Variants in WT1 observed in about 807,000 individuals in gnomAD.
The protein encoded by WT1 is Wilms tumor protein.
WT1 carries 8 observed loss-of-function variants against 60.8 expected under a neutral mutation model. The ratio of observed to expected loss-of-function variants is 0.13; its 90% CI spans 0.08 to 0.24. WT1 has a LOEUF of 0.24. Among genes scored for constraint, WT1 ranks in the 10% least tolerant of loss-of-function variants. WT1 has a pLI of 1.00. For missense variants in WT1, 568 were observed against 711.8 expected (o/e 0.80, Z 2.30); for synonymous variants, 312 against 297.1 (o/e 1.05, Z -0.52).
chr11:32,414,870 A>T (rs1852614716), intron 5 of WT1, among the ~76,000 whole-genome samples: 1 of 146,078 alleles, frequency 6.8e-6, no homozygotes, highest in African/African-American at 2.7e-5. Flanking sequence ...GGGACTCCAT[A>T]TCAAAAAAAA....
intron 3 of WT1, among the ~76,000 whole-genome samples, chr11:32,422,016 G>C (rs1852872567): frequency 6.6e-6 from 1 of 152,194 alleles, no homozygotes; most frequent in Non-Finnish European, 1.5e-5. Context: ...CATGTTTCCA[G>C]CTTTTTCGGT....
chr11:32,395,341 G>A (rs548158411), intron 7 of WT1, among the ~76,000 whole-genome samples: 34 of 152,316 alleles, frequency 2.2e-4, no homozygotes, highest in Non-Finnish European at 4.6e-4. Flanking sequence ...TCTGTGACAT[G>A]GCTGTCCACA....
rs780497248 is a variant in WT1, at chr11:32,396,402, C to T, written c.1119G>A (p.Val373=). Residue 373 remains valine, a synonymous_variant, in exon 7 of 10, where the codon GTG becomes GTA. Coordinates refer to ENST00000452863, the MANE Select transcript of WT1 (RefSeq NM_024426.6). Reference sequence around the variant, plus strand: ...TCGGGGCTACTCCAGGCACACGTCGCACATCCTGCAGGCAGAGAGTAAGAG... The same window carrying T: ...TCGGGGCTACTCCAGGCACACGTCGTACATCCTGCAGGCAGAGAGTAAGAG... 3 of 1,613,872 alleles carry T rather than the reference C, an allele frequency of 1.9e-6. No homozygotes were observed. The South Asian group carries it at 3.3e-5, about 18-fold the overall frequency.
In WT1 at chr11:32,428,525, C is replaced by T. The variant is rs1406109697; in HGVS notation, c.756G>A (p.Glu252=). The change falls in exon 2 of 10, where the codon GAG becomes GAA. Residue 252 remains glutamate (E), a synonymous_variant. Transcript: ENST00000452863. ...GCGAGCCCTGCTGGCCCATGGGATC[C>T]TCATGCTTGAATGAGTGGTTGGGGA... The T allele has an allele frequency of 1.2e-6, 2 of 1,614,154 alleles. No individual in the cohort carries two copies. Among genetic ancestry groups the T allele is most frequent in the African/African-American group, 1.3e-5 (1 of 75,064 alleles).
chr11:32,420,166 G>A lies in WT1; in HGVS notation c.888-2512C>T, dbSNP rs111938564. Among the ~76,000 whole-genome samples, 807 of 152,214 alleles carry A rather than the reference G, an allele frequency of 5.3e-3. 14 individuals carry two copies. The highest frequency in any genetic ancestry group is 0.018 in the African/African-American group (765 of 41,510). On this transcript the variant is annotated intron_variant, in intron 3 of 9. Coordinates refer to ENST00000452863, the MANE Select transcript of WT1 (RefSeq NM_024426.6). The stretch of plus-strand genomic sequence containing the variant: ...AAATGATAAGATTTTTTGCTATATT[G>A]AGTCAAATATGCTATTTGAAAAATT...
chr11:32,406,573 A>G (rs1240250107), intron 5 of WT1, among the ~76,000 whole-genome samples: 2 of 152,080 alleles, frequency 1.3e-5, no homozygotes, highest in East Asian at 3.9e-4. Context: ...AGGCTAACTG[A>G]TGGAAATGGC....
chr11:32,431,084 G>A (rs1226603042), intron 1 of WT1, among the ~76,000 whole-genome samples: 1 of 152,170 alleles, frequency 6.6e-6, no homozygotes, highest in African/African-American at 2.4e-5. Flanking sequence ...CGTGCGCTAA[G>A]AGGCGAGACG....
At chr11:32,411,778 TAA>T (rs1852505452) in intron 5 of WT1, among the ~76,000 whole-genome samples, 1 of 152,186 alleles carries the variant, frequency 6.6e-6, no homozygotes, top group Non-Finnish European at 1.5e-5. Flanking sequence ...GACACAGAGC[TAA>T]GTCACGAGTC....
intron 3 of WT1, among the ~76,000 whole-genome samples, chr11:32,418,348 C>A (rs937308609): frequency 2.0e-5 from 3 of 151,730 alleles, no homozygotes. Context: ...TGTAAACCAA[C>A]AAAAAGCTGT....
At chr11:32,394,647 CA>C (rs1564971656) in intron 7 of WT1, among the ~76,000 whole-genome samples, 1 of 152,128 alleles carries the variant, frequency 6.6e-6, no homozygotes, top group African/African-American at 2.4e-5. Context: ...GCCTGACACC[CA>C]AAAAGTACTT....
chr11:32,416,390 A>G, intron 5 of WT1, 100 bp downstream of exon 5: 1 of 1,454,176 alleles, frequency 6.9e-7, no homozygotes, highest in South Asian at 1.1e-5. Context: ...ACCAAATGCT[A>G]CCCTGATTAC....
intron 5 of WT1, among the ~76,000 whole-genome samples, chr11:32,408,846 C>T (rs1279222417): frequency 6.6e-6 from 1 of 152,116 alleles, no homozygotes; most frequent in African/African-American, 2.4e-5. Context: ...AAACAATAAA[C>T]CTCCGTGTAA....
At chr11:32,396,463 T>A in intron 6 of WT1, 56 bp from the exon 7 acceptor site, 2 of 1,605,848 alleles carry the variant, frequency 1.2e-6, no homozygotes, top group East Asian at 4.5e-5. Context: ...AACATTCACG[T>A]AGGTCTTGAG....
At chr11:32,401,532 G>A (rs1192876653) in intron 5 of WT1, among the ~76,000 whole-genome samples, 2 of 151,858 alleles carry the variant, frequency 1.3e-5, no homozygotes, top group Admixed American at 1.3e-4. Flanking sequence ...CGAGAAGGAT[G>A]CATCAGTATA....
At chr11:32,432,745 C>A (rs951506820) in intron 1 of WT1, among the ~76,000 whole-genome samples, 4 of 152,216 alleles carry the variant, frequency 2.6e-5, no homozygotes, top group Non-Finnish European at 4.4e-5. Flanking sequence ...CACAGTCCCA[C>A]CCCCCACGAC....
In WT1 at chr11:32,422,698, G is replaced by T. The variant is rs114508199; in HGVS notation, c.888-5044C>A. Among the ~76,000 whole-genome samples, 987 of 152,262 alleles carry T rather than the reference G, an allele frequency of 6.5e-3. 16 individuals carry two copies. Among genetic ancestry groups the T allele is most frequent in the African/African-American group, 0.023 (939 of 41,546 alleles). Reference sequence around the variant, plus strand: ...ATGAAAAATAATCTACTTGTAACAGGCTCCACTGTCAATGTCACCATTTGT... The same window carrying T: ...ATGAAAAATAATCTACTTGTAACAGTCTCCACTGTCAATGTCACCATTTGT... On this transcript the variant is annotated intron_variant, in intron 3 of 9. Transcript: ENST00000452863.
chr11:32,430,658 A>T, intron 1 of WT1: 1 of 1,481,140 alleles, frequency 6.8e-7, no homozygotes, highest in Non-Finnish European at 9.0e-7. Flanking sequence ...CACTCTCGAG[A>T]CGTCCGTCCG....
In WT1 at chr11:32,428,564, G is replaced by C. The variant is rs746241159; in HGVS notation, c.717C>G (p.His239Gln). The change falls in exon 2 of 10, where the codon CAC (histidine) becomes CAG (glutamine). Residue 239 changes from histidine to glutamine, a missense_variant. This residue lies in a region of WT1 where 523 missense variants were observed against 565.1 expected (regional missense o/e 0.93). Coordinates refer to ENST00000452863, the MANE Select transcript of WT1 (RefSeq NM_024426.6). ...AGTGGTTGGGGAACTGCGCCGCATG[G>C]TGCGAGGGCGTGTGACCGTAGCTGG... 10 of 1,614,040 alleles carry C rather than the reference G, an allele frequency of 6.2e-6. No homozygotes were observed. Among genetic ancestry groups the C allele is most frequent in the Non-Finnish European group, 8.5e-6 (10 of 1,180,026 alleles).
intron 7 of WT1, among the ~76,000 whole-genome samples, chr11:32,394,235 C>A (rs1851901131): frequency 2.0e-5 from 3 of 152,114 alleles, no homozygotes; most frequent in Non-Finnish European, 4.4e-5. Context: ...TTATGTTTCA[C>A]CTCTGTGAGC....
Sources: allele counts gnomAD v4.1 joint callset (sites outside exome capture counted in the v4.1 genomes callset), GRCh38; gene constraint gnomAD v4.1.1; regional missense constraint gnomAD v4.1.1; transcripts MANE v1.5; gene names NCBI Gene and HGNC (gene_info 2026-07-23, HGNC 2026-07-21).